The following TAPBPL variants were observed in gnomAD, a reference collection of about 807,000 sequenced individuals.
The protein encoded by TAPBPL is tapasin-related protein.
TAPBPL carries 32 observed loss-of-function variants against 44.8 expected under a neutral mutation model. The observed-to-expected ratio is 0.71, with a 90% CI of 0.54 to 0.96. TAPBPL has a LOEUF of 0.96. Among genes scored for constraint, TAPBPL ranks in the 40% least tolerant of loss-of-function variants. The pLI, the probability that TAPBPL is intolerant of heterozygous loss-of-function variation, is 0.00. For missense variants in TAPBPL, 520 were observed against 586.6 expected, an observed-to-expected ratio of 0.89 and a Z score of 1.17; for synonymous variants, 230 against 240.7, an observed-to-expected ratio of 0.96 and a Z score of 0.41.
At chr12:6,471,012 T>A (rs1223568721), downstream of TAPBPL, 1 of 158,180 alleles carries the variant, frequency 6.3e-6, no homozygotes, top group East Asian at 1.9e-4. The surrounding 1 kb of genome is among the most constrained non-coding windows in gnomAD (Gnocchi z 4.0). Context: ...CGCTAGGCAG[T>A]TACTGAAGAC....
intron 4 of TAPBPL, 94 bp downstream of exon 4, chr12:6,457,838 T>G: frequency 1.5e-6 from 2 of 1,344,590 alleles, no homozygotes; most frequent in Non-Finnish European, 2.0e-6. Context: ...AATGATTTCC[T>G]GAGAAGCAGG....
At chr12:6,463,147 A>G (rs1420054194), downstream of TAPBPL, 10 of 1,460,578 alleles carry the variant, frequency 6.8e-6, no homozygotes, top group East Asian at 2.2e-4. The surrounding 1 kb of genome is among the most constrained non-coding windows in gnomAD (Gnocchi z 4.0). Context: ...CACTGTCTAT[A>G]CACACAAACC....
chr12:6,455,296 T>A (rs1949673610), intron 3 of TAPBPL, among the ~76,000 whole-genome samples: 1 of 152,048 alleles, frequency 6.6e-6, no homozygotes, highest in African/African-American at 2.4e-5. Flanking sequence ...CCCAAATACA[T>A]CCATAGCATG....
At chr12:6,459,772 T>C (rs530206744) in intron 5 of TAPBPL, among the ~76,000 whole-genome samples, 32 of 151,562 alleles carry the variant, frequency 2.1e-4, no homozygotes, top group Non-Finnish European at 3.1e-4. Flanking sequence ...TTATTTTATT[T>C]TATTTTACTT....
At chr12:6,463,018 C>T (rs747450658), downstream of TAPBPL, 66 of 1,548,316 alleles carry the variant, frequency 4.3e-5, no homozygotes, top group South Asian at 2.4e-4. This position sits in a 1 kb window ranked among gnomAD's most constrained non-coding sequence, Gnocchi z 4.0. Context: ...GGGCATTCTC[C>T]GCTCTGTTCC....
At chr12:6,455,577 G>A (rs1164510047) in intron 3 of TAPBPL, among the ~76,000 whole-genome samples, 1 of 152,068 alleles carries the variant, frequency 6.6e-6, no homozygotes, top group African/African-American at 2.4e-5. Flanking sequence ...CCACACGACT[G>A]CCTAGTATGC....
chr12:6,455,286 C>T (rs1468045194), intron 3 of TAPBPL, among the ~76,000 whole-genome samples: 6 of 152,060 alleles, frequency 3.9e-5, no homozygotes, highest in African/African-American at 9.7e-5. Flanking sequence ...ATGTTTAAAC[C>T]CCAAATACAT....
At chr12:6,470,626 A>C (rs1016065420), downstream of TAPBPL, 43 of 1,544,084 alleles carry the variant, frequency 2.8e-5, no homozygotes, top group Middle Eastern at 1.7e-4. Flanking sequence ...CGGAACTGCC[A>C]AGCTCCGCCT....
chr12:6,462,874 A>G (rs764104095), downstream of TAPBPL: 15 of 1,602,440 alleles, frequency 9.4e-6, no homozygotes, highest in Non-Finnish European at 1.2e-5. Flanking sequence ...GTGGGAAACA[A>G]GGGCGAAAGG....
At chr12:6,470,586 C>T, downstream of TAPBPL, 1 of 1,612,158 alleles carries the variant, frequency 6.2e-7, no homozygotes, top group Non-Finnish European at 8.5e-7. Context: ...CGGCGAGACA[C>T]CCGGTGAGGG....
At chr12:6,468,628 C>T (rs933866194), downstream of TAPBPL, among the ~76,000 whole-genome samples, 1 of 152,228 alleles carries the variant, frequency 6.6e-6, no homozygotes, top group Non-Finnish European at 1.5e-5. Context: ...TGGTTACTTA[C>T]ATCCCAAAGA....
At position 6,461,001 on chromosome 12, in the gene TAPBPL, C is replaced by T. The variant is rs1393346204; in HGVS notation, c.1291+63C>T. On this transcript the variant is annotated intron_variant, in intron 6 of 6. Transcript: ENST00000266556. ...ACCTCACCCACTCTAACCACCCCCC[C>T]GCCCAGACCAGGGTGGAAGCCCAGA... The T allele has an allele frequency of 3.9e-5, 63 of 1,605,894 alleles. No individual in the cohort carries two copies. In the Admixed American group the frequency reaches 4.1e-4, roughly 10 times the overall value.
In TAPBPL at chr12:6,458,959, G is replaced by A. The variant is rs370311575; in HGVS notation, c.1207+12G>A. On this transcript the variant is annotated intron_variant, in intron 5 of 6. Transcript: ENST00000266556. ...GGTTGTCCCACCAGGTACTGGGAGT[G>A]TCCTCCTTTTCCCCACCTCCACACT... 8.6e-5 allele frequency: 138 copies of A among 1,609,624 alleles called. 1 individual carries two copies. The highest frequency in any genetic ancestry group is 1.7e-4 in the Middle Eastern group (1 of 5,898).
downstream of TAPBPL, chr12:6,463,208 G>T: frequency 7.0e-7 from 1 of 1,432,330 alleles, no homozygotes. The surrounding 1 kb of genome is among the most constrained non-coding windows in gnomAD (Gnocchi z 4.0). Flanking sequence ...AGACAGGAAA[G>T]GGTGGTTCAA....
At chr12:6,464,505 A>C (rs1452355892), downstream of TAPBPL, 18 of 1,500,488 alleles carry the variant, frequency 1.2e-5, no homozygotes, top group African/African-American at 1.4e-5. Context: ...AGGAATCAGG[A>C]AGTCCCAGAC....
At chr12:6,470,830 C>T, downstream of TAPBPL, 1 of 521,366 alleles carries the variant, frequency 1.9e-6, no homozygotes, top group East Asian at 3.2e-5. Context: ...CACAACTCTC[C>T]TCTCATCCGA....
Position 6,462,239 on chromosome 12 carries a change from T to A in TAPBPL, c.*90T>A. The A allele has an allele frequency of 8.8e-7, 1 of 1,133,190 alleles. No individual in the cohort carries two copies. The highest frequency in any genetic ancestry group is 1.3e-6 in the Non-Finnish European group (1 of 799,508). 70.2% of individuals were successfully genotyped at this position (1,133,190 alleles called of 1,614,324 possible). On this transcript the variant is annotated 3_prime_UTR_variant, in exon 7 of 7. Coordinates refer to ENST00000266556, the MANE Select transcript of TAPBPL (RefSeq NM_018009.5). ...AACCCAAACAACAACCAAGCCAGTT[T>A]AATGGTAGGAATTTGTATTTTTTGC...
downstream of TAPBPL, chr12:6,470,629 C>CT (rs1945751321): frequency 5.9e-6 from 9 of 1,528,896 alleles, no homozygotes; most frequent in South Asian, 8.0e-5. Context: ...AACTGCCAAG[C>CT]TCCGCCTCGC....
intron 6 of TAPBPL, chr12:6,461,256 G>A (rs1949853034): frequency 1.7e-6 from 2 of 1,197,538 alleles, no homozygotes; most frequent in African/African-American, 1.6e-5. Flanking sequence ...TGGGGCACTG[G>A]GCCTGGCTCT....
Sources: gnomAD v4.1 joint callset for allele counts (sites outside exome capture counted in the v4.1 genomes callset) on GRCh38, gnomAD v4.1.1 for gene constraint, Gnocchi (gnomAD v3.1) non-coding constraint, MANE v1.5 for transcripts, NCBI Gene and HGNC (gene_info 2026-07-23, HGNC 2026-07-21) for gene names.